ZNF385D: variants seen among roughly 807,000 people sequenced by gnomAD.
ZNF385D encodes the protein zinc finger protein 385D.
A neutral mutation model predicts 35.8 loss-of-function variants in ZNF385D; 15 were observed. The ratio of observed to expected loss-of-function variants is 0.42; its 90% CI spans 0.28 to 0.64. The LOEUF is 0.64. Ranked by LOEUF, ZNF385D falls within the 30% of genes least tolerant of loss-of-function variation. The pLI, the probability that ZNF385D is intolerant of heterozygous loss-of-function variation, is 0.23. For synonymous variants in ZNF385D, 212 were observed against 186.8 expected (o/e 1.13, Z -1.10); for missense variants, 474 against 494.6 (o/e 0.96, Z 0.39).
At chr3:21,538,973 AT>A (rs1284695919) in intron 3 of ZNF385D, among the ~76,000 whole-genome samples, 1 of 152,126 alleles carries the variant, frequency 6.6e-6, no homozygotes, top group Non-Finnish European at 1.5e-5. Context: ...TGTTTCATGT[AT>A]AAAAAACCAT....
intron 2 of ZNF385D, among the ~76,000 whole-genome samples, chr3:22,286,378 T>C: frequency 6.6e-6 from 1 of 152,078 alleles, no homozygotes. Context: ...TTTTATATTG[T>C]TTTCCTACTC....
chr3:22,220,214 C>G (rs1447812489), intron 2 of ZNF385D, among the ~76,000 whole-genome samples: 1 of 151,958 alleles, frequency 6.6e-6, no homozygotes, highest in African/African-American at 2.4e-5. Flanking sequence ...CAGGCACGTG[C>G]CACCACACCA....
At chr3:22,100,668 A>T (rs942654532) in intron 3 of ZNF385D, among the ~76,000 whole-genome samples, 1 of 112,008 alleles carries the variant, frequency 8.9e-6, no homozygotes, top group African/African-American at 3.5e-5. Flanking sequence ...GGAACATCAC[A>T]CTCTGGGAAT....
chr3:22,281,496 T>G (rs573663750), intron 2 of ZNF385D, among the ~76,000 whole-genome samples: 17 of 152,260 alleles, frequency 1.1e-4, no homozygotes, highest in Admixed American at 5.2e-4. Context: ...GAAATAATCA[T>G]GTGATTTTTA....
chr3:21,800,787 C>G (rs1422574095), intron 3 of ZNF385D, among the ~76,000 whole-genome samples: 2 of 151,906 alleles, frequency 1.3e-5, no homozygotes, highest in Admixed American at 1.3e-4. Flanking sequence ...TTGTGGATTC[C>G]TTAAGATTTT....
In ZNF385D at chr3:21,689,355, G is replaced by A. The variant is rs184507212; in HGVS notation, c.23-24327C>T. Among the ~76,000 whole-genome samples, 21 of 152,034 alleles carry A rather than the reference G, an allele frequency of 1.4e-4. No individual in the cohort carries two copies. The East Asian group carries it at 4.1e-3, about 30-fold the overall frequency. The stretch of plus-strand genomic sequence containing the variant: ...CTCTGTTGCGGGGCAGCATAAGCTC[G>A]ATTCAACTTACAATACCTAGATGAA... On this transcript the variant is annotated intron_variant, in intron 1 of 7. Coordinates refer to ENST00000281523, the MANE Select transcript of ZNF385D (RefSeq NM_024697.3).
intron 3 of ZNF385D, among the ~76,000 whole-genome samples, chr3:21,940,618 A>G (rs528291779): frequency 6.6e-6 from 1 of 152,316 alleles, no homozygotes; most frequent in East Asian, 1.9e-4. Context: ...CTTAGATTCT[A>G]GTTAGGGAGA....
chr3:21,978,586 T>C (rs1703789285), intron 3 of ZNF385D, among the ~76,000 whole-genome samples: 2 of 152,200 alleles, frequency 1.3e-5, no homozygotes, highest in African/African-American at 4.8e-5. Flanking sequence ...AGATTTTGCT[T>C]TTGTCTCCAG....
At chr3:21,906,744 C>A (rs1399193783) in intron 3 of ZNF385D, among the ~76,000 whole-genome samples, 2 of 152,122 alleles carry the variant, frequency 1.3e-5, no homozygotes, top group Non-Finnish European at 2.9e-5. Flanking sequence ...GTTCTAAAGT[C>A]CTGGGGCCCT....
At position 21,879,970 on chromosome 3, in the gene ZNF385D, T is replaced by C. The variant is rs533354172; in HGVS notation, c.326-214942A>G. On this transcript the variant is annotated intron_variant, in intron 3 of 5. Coordinates refer to the ZNF385D transcript ENST00000494108. ...GTTAAATCAGTCCACCAAATTAGAG[T>C]CTGGCCACAATTTGTCTCTCCCTGG... Among the ~76,000 whole-genome samples the C allele has an allele frequency of 1.2e-4, 18 of 152,020 alleles. 1 individual carries two copies. The highest frequency in any genetic ancestry group is 6.2e-4 in the South Asian group (3 of 4,822).
chr3:21,441,324 A>C (rs1420021475), intron 4 of ZNF385D, among the ~76,000 whole-genome samples: 1 of 152,160 alleles, frequency 6.6e-6, no homozygotes, highest in African/African-American at 2.4e-5. Context: ...CAAGAGGTGC[A>C]CAACATTTGC....
intron 3 of ZNF385D, among the ~76,000 whole-genome samples, chr3:22,000,659 T>A (rs899036083): frequency 4.0e-5 from 6 of 151,362 alleles, no homozygotes; most frequent in Admixed American, 3.3e-4. Context: ...GGGAAAAGCA[T>A]CAAGTCAAAT....
chr3:21,667,921 G>C (rs952908765), intron 1 of ZNF385D, among the ~76,000 whole-genome samples: 1 of 151,936 alleles, frequency 6.6e-6, no homozygotes, highest in Admixed American at 6.6e-5. Context: ...CTTCCTAGGG[G>C]TTAAAAAAAC....
chr3:22,334,432 T>C (rs895237108), intron 2 of ZNF385D, among the ~76,000 whole-genome samples: 2 of 152,172 alleles, frequency 1.3e-5, no homozygotes, highest in African/African-American at 4.8e-5. Flanking sequence ...TGTGATATTT[T>C]AAATCCTAAA....
chr3:21,445,302 G>A, intron 4 of ZNF385D, among the ~76,000 whole-genome samples: 1 of 152,174 alleles, frequency 6.6e-6, no homozygotes, highest in East Asian at 1.9e-4. Flanking sequence ...AACAGTATTA[G>A]GGACATGACT....
At chr3:21,930,485 C>G (rs984367347) in intron 3 of ZNF385D, among the ~76,000 whole-genome samples, 3 of 151,870 alleles carry the variant, frequency 2.0e-5, no homozygotes, top group Non-Finnish European at 2.9e-5. Context: ...AGGAAGCCGT[C>G]AAGAAAGTGA....
chr3:22,025,992 A>T (rs142447672), intron 3 of ZNF385D, among the ~76,000 whole-genome samples: 2,350 of 152,302 alleles, frequency 0.015, 169 homozygotes, highest in Admixed American at 0.12. Flanking sequence ...CAAGGTGGGC[A>T]TAGCTACCAT....
At chr3:21,627,286 T>TGTGA (rs57761954) in intron 2 of ZNF385D, among the ~76,000 whole-genome samples, 3 of 144,524 alleles carry the variant, frequency 2.1e-5, no homozygotes, top group African/African-American at 7.4e-5. Context: ...TGTGTGTGTG[T>TGTGA]GAATTACTAC....
chr3:22,105,373 C>A lies in ZNF385D; in HGVS notation c.325+63444G>T, dbSNP rs575828677. On this transcript the variant is annotated intron_variant, in intron 3 of 5. Transcript: ENST00000494108. ...TAGATAAACACATATATATCTATAT[C>A]TCTCTCTATATGTGTGTGTATACAT... 5.9e-5 allele frequency among the ~76,000 whole-genome samples: 9 copies of A among 151,396 alleles called. No homozygotes were observed. In the East Asian group the frequency reaches 9.7e-4, roughly 16 times the overall value.
Sources: gnomAD v4.1 joint callset for allele counts (sites outside exome capture counted in the v4.1 genomes callset) on GRCh38, gnomAD v4.1.1 for gene constraint, MANE v1.5 for transcripts, NCBI Gene and HGNC (gene_info 2026-07-23, HGNC 2026-07-21) for gene names.